Variants in CDYL2 observed in about 807,000 individuals in gnomAD.
CDYL2 encodes the protein chromodomain Y-like protein 2.
In CDYL2, 23 loss-of-function variants were observed where a neutral mutation model predicts 49.4. That is an observed-to-expected ratio of 0.47 (90% CI 0.34 to 0.66). The LOEUF (loss-of-function observed/expected upper bound fraction) is 0.66, where lower values mean the gene tolerates loss of function less well. Among genes scored for constraint, CDYL2 ranks in the 30% least tolerant of loss-of-function variants. The probability of loss-of-function intolerance (pLI) is 0.01; values close to 1 mark genes in which losing one functional copy is unlikely to be tolerated. For synonymous variants in CDYL2, 360 were observed against 268.8 expected (o/e 1.34, Z -3.32); for missense variants, 678 against 656.4 (o/e 1.03, Z -0.36).
At chr16:80,633,880 G>A (rs996818613) in intron 2 of CDYL2, among the ~76,000 whole-genome samples, 6 of 152,106 alleles carry the variant, frequency 3.9e-5, no homozygotes, top group African/African-American at 1.4e-4. Context: ...GTGCCCTCCT[G>A]AAAAGGTTTG....
intron 2 of CDYL2, among the ~76,000 whole-genome samples, chr16:80,660,044 A>G (rs988032784): frequency 3.3e-5 from 5 of 152,100 alleles, no homozygotes; most frequent in Admixed American, 3.3e-4. Flanking sequence ...GCTACTATTC[A>G]TCAAAATGCT....
chr16:80,732,573 C>G (rs1905368030), intron 1 of CDYL2, among the ~76,000 whole-genome samples: 1 of 152,198 alleles, frequency 6.6e-6, no homozygotes, highest in Admixed American at 6.5e-5. Context: ...CTGAAGGGAA[C>G]TACTTTACCT....
intron 6 of CDYL2, among the ~76,000 whole-genome samples, 194 bp from the exon 7 acceptor site, chr16:80,604,740 C>A (rs1355641166): frequency 6.6e-6 from 1 of 152,184 alleles, no homozygotes; most frequent in Non-Finnish European, 1.5e-5. Context: ...AAGACGTGAA[C>A]ACTGTGAGGC....
chr16:80,627,495 T>C (rs1031425210), intron 3 of CDYL2: 1 of 152,244 alleles, frequency 6.6e-6, no homozygotes, highest in South Asian at 2.1e-4. Flanking sequence ...AAGTACAAAC[T>C]ATACTGTTTT....
At chr16:80,711,103 GGTT>G (rs549139518) in intron 1 of CDYL2, among the ~76,000 whole-genome samples, 142 of 152,328 alleles carry the variant, frequency 9.3e-4, no homozygotes, top group Middle Eastern at 3.4e-3. Context: ...GGAAAGTAAA[GGTT>G]GTGCTACGCG....
chr16:80,758,733 A>T (rs12444680), intron 1 of CDYL2, among the ~76,000 whole-genome samples: 1 of 151,454 alleles, frequency 6.6e-6, no homozygotes, highest in South Asian at 2.1e-4. Flanking sequence ...TAGTAGAGAC[A>T]GGGTTTCACC....
chr16:80,712,886 C>G (rs975234923), intron 1 of CDYL2, among the ~76,000 whole-genome samples: 2 of 152,122 alleles, frequency 1.3e-5, no homozygotes, highest in Non-Finnish European at 2.9e-5. Flanking sequence ...TAAAGCCCAG[C>G]CCAAAGGGGT....
rs1191774809 is a variant in CDYL2, at chr16:80,804,284, A to AGT, written c.-113_-112dup. 8.1e-6 allele frequency: 8 copies of AGT among 981,814 alleles called. No individual in the cohort carries two copies. Among genetic ancestry groups the AGT allele is most frequent in the Middle Eastern group, 2.5e-4 (1 of 3,968 alleles). The allele number at this position is 981,814 out of a possible 1,614,324, so 60.8% of individuals were successfully genotyped here. On this transcript the variant is annotated 5_prime_UTR_variant, in exon 1 of 7. Coordinates refer to ENST00000570137, the MANE Select transcript of CDYL2 (RefSeq NM_152342.4). ...GTGTGTGTGCGCGCGTGTGTGTGCGAGTGTGTGTGGTGTGTTGAGTAAACT... is the reference window on the plus strand; with the variant it reads ...GTGTGTGTGCGCGCGTGTGTGTGCGAGTGTGTGTGTGGTGTGTTGAGTAAACT...
intron 1 of CDYL2, among the ~76,000 whole-genome samples, chr16:80,725,383 G>A (rs908951522): frequency 3.3e-5 from 5 of 152,098 alleles, no homozygotes; most frequent in African/African-American, 7.2e-5. Context: ...AGTAATTAGC[G>A]ATTTGTGGGA....
chr16:80,629,672 C>T (rs1258766568), intron 3 of CDYL2, among the ~76,000 whole-genome samples: 1 of 152,242 alleles, frequency 6.6e-6, no homozygotes, highest in Non-Finnish European at 1.5e-5. Flanking sequence ...AGCAAACCCA[C>T]TAGCTTCAGA....
At chr16:80,614,469 G>C (rs1906737922) in intron 4 of CDYL2, among the ~76,000 whole-genome samples, 1 of 152,260 alleles carries the variant, frequency 6.6e-6, no homozygotes, top group African/African-American at 2.4e-5. Context: ...CCAATGGGAA[G>C]ACAGCCACAG....
chr16:80,712,053 ATG>A lies in CDYL2; in HGVS notation c.25-26926_25-26925del, dbSNP rs200436738. On this transcript the variant is annotated intron_variant, in intron 1 of 6. Coordinates refer to ENST00000570137, the MANE Select transcript of CDYL2 (RefSeq NM_152342.4). ...TGTGTATATATATGTGTGTATATAGATGTGTGTGTATAGATGTGTGTATATAG... is the reference window on the plus strand; with the variant it reads ...TGTGTATATATATGTGTGTATATAGATGTGTGTATAGATGTGTGTATATAG... 5.3e-4 allele frequency among the ~76,000 whole-genome samples: 80 copies of A among 150,010 alleles called. No homozygotes were observed. In the East Asian group the frequency reaches 8.0e-3, roughly 15 times the overall value.
chr16:80,656,079 A>C (rs1475539272), intron 2 of CDYL2, among the ~76,000 whole-genome samples: 1 of 152,210 alleles, frequency 6.6e-6, no homozygotes, highest in Middle Eastern at 3.2e-3. Flanking sequence ...AAATATGAGA[A>C]ATGAGATTCA....
At chr16:80,769,770 T>C (rs1051448800) in intron 1 of CDYL2, among the ~76,000 whole-genome samples, 1 of 152,192 alleles carries the variant, frequency 6.6e-6, no homozygotes, top group Non-Finnish European at 1.5e-5. Flanking sequence ...AATAATAAGG[T>C]ATTTGCATAG....
chr16:80,751,979 T>C (rs1009183477), intron 1 of CDYL2, among the ~76,000 whole-genome samples: 6 of 152,062 alleles, frequency 3.9e-5, no homozygotes, highest in African/African-American at 1.4e-4. Flanking sequence ...AACCGTAAAT[T>C]ACCAGGCACA....
At chr16:80,632,482 C>G (rs77425982) in intron 3 of CDYL2, among the ~76,000 whole-genome samples, 17,832 of 152,164 alleles carry the variant, frequency 0.12, 1,495 homozygotes, top group Admixed American at 0.28. Context: ...TTCTGGAATT[C>G]AGTAGTGATG....
chr16:80,711,842 T>C (rs1904606623), intron 1 of CDYL2, among the ~76,000 whole-genome samples: 2 of 152,084 alleles, frequency 1.3e-5, no homozygotes, highest in South Asian at 2.1e-4. Flanking sequence ...AGCAAGAGCA[T>C]AATGCCCTGG....
At chr16:80,755,939 C>T (rs1046030821) in intron 1 of CDYL2, among the ~76,000 whole-genome samples, 13 of 152,052 alleles carry the variant, frequency 8.5e-5, no homozygotes, top group African/African-American at 2.7e-4. Flanking sequence ...TCTACTATAC[C>T]CTTAGTCATT....
intron 1 of CDYL2, among the ~76,000 whole-genome samples, chr16:80,688,707 G>T (rs908681707): frequency 2.6e-5 from 4 of 152,160 alleles, no homozygotes; most frequent in Non-Finnish European, 5.9e-5. Context: ...ACATCTTTGT[G>T]TAGGTTTCTG....
Sources: allele counts gnomAD v4.1 joint callset (sites outside exome capture counted in the v4.1 genomes callset), GRCh38; gene constraint gnomAD v4.1.1; transcripts MANE v1.5; gene names NCBI Gene and HGNC (gene_info 2026-07-23, HGNC 2026-07-21).